Variants in ZBTB7B observed in about 807,000 individuals in gnomAD.
ZBTB7B encodes zinc finger and BTB domain containing 7B, also known as zinc finger and BTB domain-containing protein 7B.
A neutral mutation model predicts 31.0 loss-of-function variants in ZBTB7B; 8 were observed. The observed-to-expected ratio is 0.26, with a 90% confidence interval of 0.15 to 0.47. The LOEUF is 0.47. ZBTB7B is among the 20% of genes least tolerant of loss of function. The pLI is 0.99. For synonymous variants in ZBTB7B, 261 were observed against 307.3 expected (o/e 0.85, Z 1.58); for missense variants, 494 against 742.4 (o/e 0.67, Z 3.89).
intron 1 of ZBTB7B, among the ~76,000 whole-genome samples, chr1:155,012,876 G>T (rs1332068669): frequency 6.6e-6 from 1 of 151,578 alleles, no homozygotes; most frequent in African/African-American, 2.4e-5. Context: ...TGGCAGAGGG[G>T]ACACTGACAA....
intron 1 of ZBTB7B, among the ~76,000 whole-genome samples, chr1:155,008,796 G>C: frequency 6.6e-6 from 1 of 152,142 alleles, no homozygotes; most frequent in Middle Eastern, 3.2e-3. Flanking sequence ...GGGGGAGGGG[G>C]GACAGCACCC....
chr1:155,011,637 C>T (rs867679100), intron 1 of ZBTB7B, among the ~76,000 whole-genome samples: 3 of 152,226 alleles, frequency 2.0e-5, no homozygotes, highest in African/African-American at 7.2e-5. Context: ...AGACCTTGCC[C>T]GGTTCCCTGG....
At position 155,015,554 on chromosome 1, in the gene ZBTB7B, G is replaced by A. The variant is rs773273247; in HGVS notation, c.894G>A (p.Leu298=). 2.0e-5 allele frequency: 32 copies of A among 1,613,764 alleles called. No homozygotes were observed. Among genetic ancestry groups the A allele is most frequent in the Non-Finnish European group, 2.6e-5 (31 of 1,179,984 alleles). ...TGGCGCAGGGTGGCGGGCCCCCGCT[G>A]TCCCCAGAGGAGCTGGGCTCAGATG... ...YGLAQGGGPP[L]SPEELGSDED... Residue 298 remains leucine, a synonymous_variant, in exon 2 of 3, where the codon CTG becomes CTA. Coordinates refer to ENST00000535420, the MANE Select transcript of ZBTB7B (RefSeq NM_001256455.2).
chr1:155,009,172 C>G (rs542548004), intron 1 of ZBTB7B, among the ~76,000 whole-genome samples: 2 of 151,952 alleles, frequency 1.3e-5, no homozygotes, highest in Admixed American at 1.3e-4. Context: ...TAAGGGGACC[C>G]GAGCAGATCA....
rs1234959579 is a variant in ZBTB7B at position 155,010,986 on chromosome 1, C to T, written c.-6-3669C>T. The T allele has an allele frequency of 3.9e-6, 6 of 1,535,640 alleles. No individual in the cohort carries two copies. The South Asian group carries it at 7.1e-5, about 18-fold the overall frequency. ...TGCTCCTGGAGAAGCCTGGCCAGGC[C>T]CCTCTCAGGCTCCCTGGCAGAGCCT... is the stretch of plus-strand genomic sequence containing the variant. On this transcript the variant is annotated intron_variant, in intron 1 of 2. Transcript: ENST00000535420.
chr1:155,003,436 G>T lies in ZBTB7B; in HGVS notation c.-7+493G>T, dbSNP rs1310812378. Among the ~76,000 whole-genome samples, 2 of 152,200 alleles carry T rather than the reference G, an allele frequency of 1.3e-5. No homozygotes were observed. The highest frequency in any genetic ancestry group is 4.8e-5 in the African/African-American group (2 of 41,452). ...CATGGGGGTTGGGGGGGCGCAGGAG[G>T]AGCCGCGGCTTGGGGGAAAGTTACC... On this transcript the variant is annotated intron_variant, in intron 1 of 2. Transcript: ENST00000535420. This position sits in a 1 kb window ranked among gnomAD's most constrained non-coding sequence, Gnocchi z 5.8.
Position 155,017,346 on chromosome 1 carries a change from C to CTGGGGGCAGTAGAGGGGCCCCGCCCAG in ZBTB7B, c.*662_*688dup, listed in dbSNP as rs1558093558. 1.0e-5 allele frequency: 1 copy of CTGGGGGCAGTAGAGGGGCCCCGCCCAG among 98,274 alleles called. No individual in the cohort carries two copies. The highest frequency in any genetic ancestry group is 2.5e-5 in the Non-Finnish European group (1 of 39,220). The allele number at this position is 98,274 out of a possible 1,614,324, so 6.1% of individuals were successfully genotyped here. A position where few individuals can be genotyped will look rare whatever the true frequency, so the allele number is the denominator to read the frequency against. ...GGTGGCCTGATTGGCTCGCCTGCCC[C>CTGGGGGCAGTAGAGGGGCCCCGCCCAG]TGGGGGCAGTAGAGGGGCCCCGCCC... is the stretch of plus-strand genomic sequence containing the variant. On this transcript the variant is annotated 3_prime_UTR_variant, in exon 3 of 3. Coordinates refer to ENST00000535420, the MANE Select transcript of ZBTB7B (RefSeq NM_001256455.2).
intron 1 of ZBTB7B, chr1:155,010,525 A>C (rs926720442): frequency 5.0e-6 from 1 of 198,940 alleles, no homozygotes; most frequent in East Asian, 1.3e-4. Flanking sequence ...ATCCCTGGGC[A>C]GAGAACCTCT....
At position 155,003,545 on chromosome 1, in the gene ZBTB7B, A is replaced by T. The variant is rs936610548; in HGVS notation, c.-7+602A>T. 5.3e-5 allele frequency among the ~76,000 whole-genome samples: 8 copies of T among 152,176 alleles called. No individual in the cohort carries two copies. Among genetic ancestry groups the T allele is most frequent in the Non-Finnish European group, 1.0e-4 (7 of 68,022 alleles). On this transcript the variant is annotated intron_variant, in intron 1 of 2. Coordinates refer to ENST00000535420, the MANE Select transcript of ZBTB7B (RefSeq NM_001256455.2). This position sits in a 1 kb window ranked among gnomAD's most constrained non-coding sequence, Gnocchi z 5.8. Reference sequence around the variant, plus strand: ...GCTCAGCAACAACCTCTGAACCGACATAGAACGACCGCTCTCTTCCCTGCC... The same window carrying T: ...GCTCAGCAACAACCTCTGAACCGACTTAGAACGACCGCTCTCTTCCCTGCC...
Position 155,015,673 on chromosome 1 carries a change from G to A in ZBTB7B, c.1013G>A (p.Arg338His), listed in dbSNP as rs371196383. The A allele has an allele frequency of 1.4e-5, 23 of 1,613,112 alleles. No homozygotes were observed. The highest frequency in any genetic ancestry group is 1.6e-5 in the Non-Finnish European group (19 of 1,180,010). Residue 338 changes from arginine (R) to histidine (H), a missense_variant, in exon 2 of 3, where the codon CGC (arginine) becomes CAC (histidine). Coordinates refer to ENST00000535420, the MANE Select transcript of ZBTB7B (RefSeq NM_001256455.2). ...PGLDSQDKLV[R>H]KRRSQMPQEC... Reference sequence around the variant, plus strand: ...CTGGACAGCCAAGACAAGCTGGTGCGCAAACGCCGCTCCCAGATGCCTCAG... The same window carrying A: ...CTGGACAGCCAAGACAAGCTGGTGCACAAACGCCGCTCCCAGATGCCTCAG...
intron 1 of ZBTB7B, among the ~76,000 whole-genome samples, chr1:155,007,858 G>A (rs763568050): frequency 2.0e-5 from 3 of 152,122 alleles, no homozygotes; most frequent in African/African-American, 2.4e-5. Context: ...GGAAAGGGGA[G>A]GGGATATTTT....
At chr1:155,011,017 T>C (rs755257991) in intron 1 of ZBTB7B, 1 of 1,532,754 alleles carries the variant, frequency 6.5e-7, no homozygotes, top group South Asian at 1.2e-5. Flanking sequence ...AGCCTAGAGG[T>C]AGGGGCCTTG....
rs1659442452 is a variant in ZBTB7B, at chr1:155,016,707, A to C, written c.*22A>C. 1 of 1,356,844 alleles carries C rather than the reference A, an allele frequency of 7.4e-7. No individual in the cohort carries two copies. The highest frequency in any genetic ancestry group is 2.4e-5 in the East Asian group (1 of 41,566). The allele number at this position is 1,356,844 out of a possible 1,614,324, so 84.1% of individuals were successfully genotyped here. A position where few individuals can be genotyped will look rare whatever the true frequency, so the allele number is the denominator to read the frequency against. On this transcript the variant is annotated 3_prime_UTR_variant, in exon 3 of 3. Transcript: ENST00000535420. The surrounding 1 kb of genome is among the most constrained non-coding windows in gnomAD (Gnocchi z 4.3). Reference sequence around the variant, plus strand: ...TTAAAGAGGGACGAGGGCCAGACTGAAGCAGCACAAGGCCGGGGACACCCA... The same window carrying C: ...TTAAAGAGGGACGAGGGCCAGACTGCAGCAGCACAAGGCCGGGGACACCCA...
At chr1:155,005,694 G>A (rs1360955826) in intron 1 of ZBTB7B, among the ~76,000 whole-genome samples, 1 of 152,226 alleles carries the variant, frequency 6.6e-6, no homozygotes, top group East Asian at 1.9e-4. Context: ...GCCTAGGGCG[G>A]GAGAGAACAG....
Position 155,018,448 on chromosome 1 carries a change from T to A in ZBTB7B, c.*1763T>A. 2 of 1,239,364 alleles carry A rather than the reference T, an allele frequency of 1.6e-6. No individual in the cohort carries two copies. The highest frequency in any genetic ancestry group is 2.2e-6 in the Non-Finnish European group (2 of 890,428). The allele number at this position is 1,239,364 out of a possible 1,614,324, so 76.8% of individuals were successfully genotyped here. Reference sequence around the variant, plus strand: ...AGGGGGAGAGGCACTCCCCCCCTCCTATTCCCTTCCCCCCACCCCAACTCC... The same window carrying A: ...AGGGGGAGAGGCACTCCCCCCCTCCAATTCCCTTCCCCCCACCCCAACTCC... On this transcript the variant is annotated 3_prime_UTR_variant, in exon 3 of 3. Transcript: ENST00000535420.
Position 155,015,198 on chromosome 1 carries a change from A to G in ZBTB7B, c.538A>G (p.Ser180Gly). ...CTCTGGAGTTCCCAATGGTGAAGACAGTCCTCCACAGGTGCCCCTCCCACC... is the reference window on the plus strand; with the variant it reads ...CTCTGGAGTTCCCAATGGTGAAGACGGTCCTCCACAGGTGCCCCTCCCACC... ...TASGVPNGED[S>G]PPQVPLPPPP... The change falls in exon 2 of 3, where the codon AGT (serine) becomes GGT (glycine). Residue 180 changes from serine to glycine, a missense_variant. This residue lies in a region of ZBTB7B where 216 missense variants were observed against 229.3 expected (regional missense o/e 0.94). Coordinates refer to ENST00000535420, the MANE Select transcript of ZBTB7B (RefSeq NM_001256455.2). 1 of 1,613,742 alleles carries G rather than the reference A, an allele frequency of 6.2e-7. No homozygotes were observed. Among genetic ancestry groups the G allele is most frequent in the Non-Finnish European group, 8.5e-7 (1 of 1,179,992 alleles).
In ZBTB7B at chr1:155,016,760, GAC is replaced by G. The variant is rs1439189494; in HGVS notation, c.*79_*80del. The G allele has an allele frequency of 4.5e-5, 38 of 848,468 alleles. No homozygotes were observed. The highest frequency in any genetic ancestry group is 4.0e-5 in the Non-Finnish European group (22 of 548,674). 52.6% of individuals were successfully genotyped at this position (848,468 alleles called of 1,614,324 possible). A position where few individuals can be genotyped will look rare whatever the true frequency, so the allele number is the denominator to read the frequency against. The stretch of plus-strand genomic sequence containing the variant: ...CCAAGCAGTGGGAGCACGCAGGACA[GAC>G]ACAGCAGGGGTCTGGGGCACGGAGC... On this transcript the variant is annotated 3_prime_UTR_variant, in exon 3 of 3. Transcript: ENST00000535420. This position sits in a 1 kb window ranked among gnomAD's most constrained non-coding sequence, Gnocchi z 4.3.
At position 155,016,198 on chromosome 1, in the gene ZBTB7B, C is replaced by T. The variant is rs1465728496; in HGVS notation, c.1155-22C>T. On this transcript the variant is annotated intron_variant, in intron 2 of 2. Transcript: ENST00000535420. This position sits in a 1 kb window ranked among gnomAD's most constrained non-coding sequence, Gnocchi z 4.3. ...GATCCCATCCTGAACACCTCCCTGCCCCTCACCCCTGCCTGTGCCAGGAAC... is the reference window on the plus strand; with the variant it reads ...GATCCCATCCTGAACACCTCCCTGCTCCTCACCCCTGCCTGTGCCAGGAAC... 4.4e-6 allele frequency: 7 copies of T among 1,606,900 alleles called. No homozygotes were observed. Among genetic ancestry groups the T allele is most frequent in the Non-Finnish European group, 6.0e-6 (7 of 1,174,876 alleles).
chr1:155,008,965 C>T (rs975832708), intron 1 of ZBTB7B, among the ~76,000 whole-genome samples: 2 of 152,210 alleles, frequency 1.3e-5, no homozygotes, highest in South Asian at 4.1e-4. Flanking sequence ...GAGGAGTTGC[C>T]GCCAGGCCCC....
Sources: allele counts gnomAD v4.1 joint callset (sites outside exome capture counted in the v4.1 genomes callset), GRCh38; gene constraint gnomAD v4.1.1; regional missense constraint gnomAD v4.1.1; non-coding constraint Gnocchi (gnomAD v3.1); transcripts MANE v1.5; gene names NCBI Gene and HGNC (gene_info 2026-07-23, HGNC 2026-07-21).